The following EFCAB3 variants were observed in gnomAD, a reference collection of about 807,000 sequenced individuals.
The protein encoded by EFCAB3 is EF-hand calcium-binding domain-containing protein 3.
EFCAB3 carries 36 observed loss-of-function variants against 42.2 expected under a neutral mutation model. The ratio of observed to expected loss-of-function variants is 0.85; its 90% CI spans 0.65 to 1.13. The LOEUF (loss-of-function observed/expected upper bound fraction) is 1.13, where lower values mean the gene tolerates loss of function less well. EFCAB3 is among the 50% of genes most tolerant of loss of function. The probability of loss-of-function intolerance (pLI) is 0.00; values close to 1 mark genes in which losing one functional copy is unlikely to be tolerated. For synonymous variants in EFCAB3, 170 were observed against 172.8 expected, an observed-to-expected ratio of 0.98 and a Z score of 0.13; for missense variants, 418 against 505.1, an observed-to-expected ratio of 0.83 and a Z score of 1.65.
intron 3 of EFCAB3, among the ~76,000 whole-genome samples, chr17:62,388,043 C>A (rs1285387070): frequency 4.6e-5 from 7 of 152,060 alleles, no homozygotes; most frequent in Admixed American, 4.6e-4. Context: ...AACCTTGTCT[C>A]TACTAAAAAT....
Position 62,416,306 on chromosome 17 carries a change from G to C in EFCAB3, c.1294G>C (p.Gly432Arg). ...TDSGRKRKRK[G>R]LKGFQQ Reference sequence around the variant, plus strand: ...CTCAGGAAGAAAAAGAAAACGGAAAGGTTTAAAGGGATTTCAACAATGAAA... The same window carrying C: ...CTCAGGAAGAAAAAGAAAACGGAAACGTTTAAAGGGATTTCAACAATGAAA... Residue 432 changes from glycine (G) to arginine (R), a missense_variant, in exon 10 of 10, where the codon GGT becomes CGT. Coordinates refer to ENST00000305286, the MANE Select transcript of EFCAB3 (RefSeq NM_173503.4). 1 of 1,598,998 alleles carries C rather than the reference G, an allele frequency of 6.3e-7. No homozygotes were observed. The highest frequency in any genetic ancestry group is 8.5e-7 in the Non-Finnish European group (1 of 1,174,480).
At chr17:62,411,154 A>T (rs1223273040) in intron 8 of EFCAB3, among the ~76,000 whole-genome samples, 1 of 152,210 alleles carries the variant, frequency 6.6e-6, no homozygotes, top group Non-Finnish European at 1.5e-5. Context: ...AAAATCTTTT[A>T]AAATCTCTTT....
chr17:62,389,121 G>T (rs2070281081), intron 3 of EFCAB3, among the ~76,000 whole-genome samples: 1 of 152,234 alleles, frequency 6.6e-6, no homozygotes, highest in Non-Finnish European at 1.5e-5. Context: ...TGTGGTTTCT[G>T]CAAGAAGGAA....
At chr17:62,380,259 C>A (rs1164614061), upstream of EFCAB3, among the ~76,000 whole-genome samples, 1 of 152,216 alleles carries the variant, frequency 6.6e-6, no homozygotes, top group African/African-American at 2.4e-5. Context: ...GCCTCGGCCC[C>A]CCAAAGTGCT....
intron 3 of EFCAB3, among the ~76,000 whole-genome samples, chr17:62,391,314 A>G (rs567211842): frequency 2.1e-4 from 32 of 151,880 alleles, no homozygotes; most frequent in Non-Finnish European, 4.4e-4. Context: ...CAGGGCTGAC[A>G]TTCCAGTTTC....
At chr17:62,409,472 C>T (rs570885239) in intron 8 of EFCAB3, among the ~76,000 whole-genome samples, 1 of 152,206 alleles carries the variant, frequency 6.6e-6, no homozygotes, top group Admixed American at 6.5e-5. Context: ...GAGTTCAAGG[C>T]TATAATATGC....
intron 1 of EFCAB3, chr17:62,373,750 A>G: frequency 9.5e-6 from 9 of 942,964 alleles, no homozygotes; most frequent in Non-Finnish European, 1.5e-5. Flanking sequence ...TGTTTTTAAT[A>G]ATTTCACAAC....
At chr17:62,389,153 G>T (rs2070281302) in intron 3 of EFCAB3, among the ~76,000 whole-genome samples, 1 of 152,222 alleles carries the variant, frequency 6.6e-6, no homozygotes, top group African/African-American at 2.4e-5. Context: ...GGGTAAGCAG[G>T]TATGGGGTTA....
intron 6 of EFCAB3, among the ~76,000 whole-genome samples, chr17:62,399,935 C>G (rs1424793826): frequency 1.3e-5 from 2 of 152,148 alleles, no homozygotes; most frequent in Admixed American, 1.3e-4. Flanking sequence ...CTGCTATCTT[C>G]CCAGTATCTA....
At position 62,373,869 on chromosome 17, in the gene EFCAB3, T is replaced by C; in HGVS notation, c.88+2T>C. ...TGGAGGGCCTGAAGAAGTTTAAACGTAAGTGAAAATTTATTATACAATATA... is the reference window on the plus strand; with the variant it reads ...TGGAGGGCCTGAAGAAGTTTAAACGCAAGTGAAAATTTATTATACAATATA... On this transcript the variant is annotated splice_donor_variant, in intron 2 of 11. Coordinates refer to the EFCAB3 transcript ENST00000450662. LOFTEE classifies it high-confidence loss of function. 1 of 1,411,452 alleles carries C rather than the reference T, an allele frequency of 7.1e-7. No individual in the cohort carries two copies. Among genetic ancestry groups the C allele is most frequent in the Non-Finnish European group, 9.8e-7 (1 of 1,024,978 alleles). 87.4% of individuals were successfully genotyped at this position (1,411,452 alleles called of 1,614,324 possible). A position where few individuals can be genotyped will look rare whatever the true frequency, so the allele number is the denominator to read the frequency against.
chr17:62,407,605 G>T (rs921110430), intron 8 of EFCAB3, among the ~76,000 whole-genome samples: 4 of 152,188 alleles, frequency 2.6e-5, no homozygotes, highest in Admixed American at 2.6e-4. Context: ...GGGCAGTGCT[G>T]TGATGGAGGG....
chr17:62,407,525 C>T (rs1025418229), intron 8 of EFCAB3, among the ~76,000 whole-genome samples: 8 of 152,096 alleles, frequency 5.3e-5, no homozygotes, highest in Non-Finnish European at 7.4e-5. Flanking sequence ...ACTCTGGACA[C>T]GCTCCATCCA....
chr17:62,371,562 TAAA>T (rs1239575216), intron 1 of EFCAB3, among the ~76,000 whole-genome samples: 3 of 152,002 alleles, frequency 2.0e-5, no homozygotes, highest in Non-Finnish European at 4.4e-5. Flanking sequence ...GTCTCAAAAA[TAAA>T]AAATGAAAAC....
intron 1 of EFCAB3, among the ~76,000 whole-genome samples, chr17:62,370,924 CAA>C (rs879890610): frequency 7.5e-6 from 1 of 133,456 alleles, no homozygotes; most frequent in African/African-American, 2.8e-5. Context: ...CCTGTCTCTA[CAA>C]AAAAAAAAAA....
chr17:62,381,811 GA>G (rs1170772530), intron 1 of EFCAB3: 11 of 432,232 alleles, frequency 2.5e-5, no homozygotes, highest in Middle Eastern at 7.2e-4. Flanking sequence ...GAGCTGAATG[GA>G]AAAAGCATTG....
intron 1 of EFCAB3, chr17:62,370,455 G>C: frequency 2.4e-6 from 2 of 836,808 alleles, no homozygotes; most frequent in Non-Finnish European, 3.9e-6. Context: ...AGGAGTTCGA[G>C]ACTAGCCTGA....
At chr17:62,372,131 AG>A (rs1163407485) in intron 1 of EFCAB3, among the ~76,000 whole-genome samples, 2 of 152,234 alleles carry the variant, frequency 1.3e-5, no homozygotes, top group African/African-American at 2.4e-5. Flanking sequence ...CTGAACCATT[AG>A]GTTTCTCAAA....
At position 62,416,149 on chromosome 17, in the gene EFCAB3, A is replaced by G. The variant is rs752357289; in HGVS notation, c.1137A>G (p.Thr379=). The change falls in exon 10 of 10, where the codon ACA becomes ACG. Residue 379 remains threonine, a synonymous_variant. Coordinates refer to ENST00000305286, the MANE Select transcript of EFCAB3 (RefSeq NM_173503.4). ...TTTATGACACCTTTTCTACTTATAC[A>G]TGGTCCTGGAATGTTTGCCAAGAAT... ...ESFYDTFSTY[T]WSWNVCQELL... is the part of the protein sequence containing the mutation. 3 of 1,613,944 alleles carry G rather than the reference A, an allele frequency of 1.9e-6. No homozygotes were observed. The highest frequency in any genetic ancestry group is 8.5e-7 in the Non-Finnish European group (1 of 1,179,848).
At chr17:62,414,061 C>T (rs1433273072) in intron 9 of EFCAB3, among the ~76,000 whole-genome samples, 3 of 152,216 alleles carry the variant, frequency 2.0e-5, no homozygotes, top group African/African-American at 7.2e-5. Context: ...ATGATTCATC[C>T]TGCTATTCAC....
Sources: gnomAD v4.1 joint callset for allele counts (sites outside exome capture counted in the v4.1 genomes callset) on GRCh38, gnomAD v4.1.1 for gene constraint, MANE v1.5 for transcripts, NCBI Gene and HGNC (gene_info 2026-07-23, HGNC 2026-07-21) for gene names.